ETS1: variants seen among roughly 807,000 people sequenced by gnomAD.
ETS1 encodes the protein ETS proto-oncogene 1, transcription factor, also known as protein C-ets-1.
A neutral mutation model predicts 58.6 loss-of-function variants in ETS1; 15 were observed. The ratio of observed to expected loss-of-function variants is 0.26; its 90% confidence interval spans 0.17 to 0.39. The LOEUF (loss-of-function observed/expected upper bound fraction) is 0.39. Ranked by LOEUF, ETS1 falls within the 10% of genes least tolerant of loss-of-function variation. The pLI is 1.00. For missense variants in ETS1, 417 were observed against 610.5 expected, an observed-to-expected ratio of 0.68 and a Z score of 3.34; for synonymous variants, 214 against 218.2, an observed-to-expected ratio of 0.98 and a Z score of 0.17.
At position 128,461,197 on chromosome 11, in the gene ETS1, A is replaced by G. The variant is rs977283012; in HGVS notation, c.*1164T>C. 5.9e-5 allele frequency: 9 copies of G among 152,846 alleles called. No individual in the cohort carries two copies. The highest frequency in any genetic ancestry group is 2.2e-4 in the African/African-American group (9 of 41,468). The allele number at this position is 152,846 out of a possible 1,614,324, so 9.5% of individuals were successfully genotyped here. On this transcript the variant is annotated 3_prime_UTR_variant, in exon 10 of 10. Transcript: ENST00000392668. ...GGACTCTTGGAAAATAAGACATAAAAGAAAAATTACAGAGTGTTAGTTTGG... is the reference window on the plus strand; with the variant it reads ...GGACTCTTGGAAAATAAGACATAAAGGAAAAATTACAGAGTGTTAGTTTGG...
chr11:128,560,559 C>A (rs1285452393), intron 2 of ETS1, among the ~76,000 whole-genome samples: 1 of 152,150 alleles, frequency 6.6e-6, no homozygotes, highest in Non-Finnish European at 1.5e-5. Context: ...AATTCTAACC[C>A]AAGTCTATTT....
chr11:128,480,552 G>A (rs1425148533), intron 7 of ETS1, 101 bp from the exon 8 acceptor site: 6 of 784,560 alleles, frequency 7.6e-6, no homozygotes, highest in Non-Finnish European at 1.3e-5. Flanking sequence ...TTGCTAATCA[G>A]ATCTGCAGGA....
chr11:128,481,123 C>T (rs1862473379), intron 7 of ETS1, among the ~76,000 whole-genome samples: 1 of 150,874 alleles, frequency 6.6e-6, no homozygotes, highest in Non-Finnish European at 1.5e-5. Flanking sequence ...AAATCACACA[C>T]ACTATCACTC....
intron 1 of ETS1, among the ~76,000 whole-genome samples, chr11:128,582,997 A>G (rs984557835): frequency 2.0e-5 from 3 of 152,020 alleles, no homozygotes; most frequent in Non-Finnish European, 2.9e-5. Context: ...TTTTCTTTAG[A>G]GCAGTGCCTC....
chr11:128,522,686 G>A (rs1385861627), intron 3 of ETS1, among the ~76,000 whole-genome samples: 1 of 152,140 alleles, frequency 6.6e-6, no homozygotes, highest in African/African-American at 2.4e-5. Flanking sequence ...GATTCTCCAC[G>A]CATTCTTGAG....
intron 3 of ETS1, among the ~76,000 whole-genome samples, chr11:128,555,788 C>T (rs1864302502): frequency 6.6e-6 from 1 of 152,108 alleles, no homozygotes. Flanking sequence ...CTCCCACTCA[C>T]CAGAGGGCAG....
chr11:128,546,184 C>A (rs887013639), intron 3 of ETS1, among the ~76,000 whole-genome samples: 1 of 152,226 alleles, frequency 6.6e-6, no homozygotes, highest in Non-Finnish European at 1.5e-5. Flanking sequence ...GGTAATCTGT[C>A]TAGACTGGAG....
intron 6 of ETS1, among the ~76,000 whole-genome samples, chr11:128,485,747 T>G (rs1862612456): frequency 1.3e-5 from 2 of 152,222 alleles, no homozygotes; most frequent in Admixed American, 1.3e-4. Flanking sequence ...AACCCAACCC[T>G]CTTTTGGCCA....
chr11:128,517,250 C>G (rs1488584819), intron 3 of ETS1, among the ~76,000 whole-genome samples: 1 of 152,190 alleles, frequency 6.6e-6, no homozygotes, highest in Non-Finnish European at 1.5e-5. Flanking sequence ...CCTGAACCCC[C>G]AAAGCACCGA....
chr11:128,469,534 C>A (rs374811511), intron 8 of ETS1, among the ~76,000 whole-genome samples: 6 of 152,204 alleles, frequency 3.9e-5, no homozygotes, highest in African/African-American at 1.4e-4. Context: ...AAGCATCACC[C>A]CTTTCTGTCA....
intron 8 of ETS1, among the ~76,000 whole-genome samples, chr11:128,470,352 G>A (rs1308075212): frequency 6.6e-6 from 1 of 152,208 alleles, no homozygotes; most frequent in Non-Finnish European, 1.5e-5. Context: ...GCCCCGGGTA[G>A]GGAGTTGAGG....
chr11:128,565,047 A>AATAAATAAATAG (rs1864468202), intron 2 of ETS1, among the ~76,000 whole-genome samples: 1 of 150,572 alleles, frequency 6.6e-6, no homozygotes, highest in Non-Finnish European at 1.5e-5. Flanking sequence ...TAAATAAATA[A>AATAAATAAATAG]ATAAATAAAT....
chr11:128,543,555 T>C (rs1864087364), intron 3 of ETS1, among the ~76,000 whole-genome samples: 1 of 152,208 alleles, frequency 6.6e-6, no homozygotes, highest in Non-Finnish European at 1.5e-5. Context: ...TGAGTTTTCA[T>C]ATCAGCATGC....
At chr11:128,530,525 T>C (rs1029353327) in intron 3 of ETS1, 2 of 152,198 alleles carry the variant, frequency 1.3e-5, no homozygotes, top group African/African-American at 4.8e-5. Context: ...ATATAGAAGT[T>C]GCTTCTTAAT....
At chr11:128,581,855 T>C (rs562751688) in intron 1 of ETS1, among the ~76,000 whole-genome samples, 88 of 152,244 alleles carry the variant, frequency 5.8e-4, no homozygotes, top group Admixed American at 2.0e-3. Context: ...AGAGGCACCA[T>C]AAATAGAAAG....
At chr11:128,490,681 G>T in intron 3 of ETS1, 105 bp from the exon 4 acceptor site, 1 of 811,600 alleles carries the variant, frequency 1.2e-6, no homozygotes, top group Non-Finnish European at 2.0e-6. Context: ...AAACAACTGT[G>T]CTAGCATCCT....
chr11:128,529,073 G>A lies in ETS1; in HGVS notation c.214+27218C>T, dbSNP rs1469052482. 2.0e-5 allele frequency: 3 copies of A among 152,072 alleles called. No individual in the cohort carries two copies. The East Asian group carries it at 5.8e-4, about 29-fold the overall frequency. 9.4% of individuals were successfully genotyped at this position (152,072 alleles called of 1,614,324 possible). ...TTCGAGTTGAATCTTTTATTTCACTGGCTTCCACAAAGGTAAGATGTACAA... is the reference window on the plus strand; with the variant it reads ...TTCGAGTTGAATCTTTTATTTCACTAGCTTCCACAAAGGTAAGATGTACAA... On this transcript the variant is annotated intron_variant, in intron 3 of 9. Coordinates refer to ENST00000392668, the MANE Select transcript of ETS1 (RefSeq NM_001143820.2).
chr11:128,506,951 A>G (rs2135491929), intron 3 of ETS1, among the ~76,000 whole-genome samples: 1 of 152,236 alleles, frequency 6.6e-6, no homozygotes, highest in South Asian at 2.1e-4. Context: ...ATACTTACAT[A>G]CAAAAGATTC....
In ETS1 at chr11:128,485,953, C is replaced by T. The variant is rs917460703; in HGVS notation, c.613+116G>A. On this transcript the variant is annotated intron_variant, in intron 6 of 9. Coordinates refer to ENST00000392668, the MANE Select transcript of ETS1 (RefSeq NM_001143820.2). The stretch of plus-strand genomic sequence containing the variant: ...TAAAGTAACAAAGAAGAGTCTACAT[C>T]TAAGAAGATATTATTTTTGATAGAA... The T allele has an allele frequency of 6.6e-5, 45 of 681,742 alleles. No individual in the cohort carries two copies. In the Admixed American group the frequency reaches 1.1e-3, roughly 16 times the overall value. 42.2% of individuals were successfully genotyped at this position (681,742 alleles called of 1,614,324 possible).
Sources: allele counts gnomAD v4.1 joint callset (sites outside exome capture counted in the v4.1 genomes callset), GRCh38; gene constraint gnomAD v4.1.1; transcripts MANE v1.5; gene names NCBI Gene and HGNC (gene_info 2026-07-23, HGNC 2026-07-21).